Variants in PTPRD observed in about 807,000 individuals in gnomAD.
The protein encoded by PTPRD is receptor-type tyrosine-protein phosphatase delta.
Under a neutral mutation model 214.5 loss-of-function variants are expected in PTPRD, and 34 were observed. That is an observed-to-expected ratio of 0.16 (90% CI 0.12 to 0.21). The LOEUF (loss-of-function observed/expected upper bound fraction) is 0.21, where lower values mean the gene tolerates loss of function less well. PTPRD is among the 10% of genes least tolerant of loss of function. The pLI is 1.00. For missense variants in PTPRD, 2,545 were observed against 2,398.7 expected, an observed-to-expected ratio of 1.06 and a Z score of -1.27; for synonymous variants, 1,128 against 845.7, an observed-to-expected ratio of 1.33 and a Z score of -5.79.
intron 8 of PTPRD, among the ~76,000 whole-genome samples, chr9:9,514,214 C>T (rs540006286): frequency 1.2e-4 from 18 of 152,112 alleles, no homozygotes; most frequent in African/African-American, 2.9e-4. Context: ...AATTTCCCTC[C>T]TGGTTAGGGC....
At chr9:9,996,896 T>C (rs1301811758) in intron 4 of PTPRD, among the ~76,000 whole-genome samples, 1 of 152,212 alleles carries the variant, frequency 6.6e-6, no homozygotes, top group Non-Finnish European at 1.5e-5. Context: ...GGCATATTTA[T>C]ATTAGATTAA....
intron 2 of PTPRD, among the ~76,000 whole-genome samples, chr9:10,450,050 C>G (rs1006757205): frequency 5.3e-5 from 8 of 151,482 alleles, no homozygotes; most frequent in African/African-American, 2.0e-4. Context: ...CAGCATGCTC[C>G]TTAAGAGTCA....
chr9:10,477,607 T>G (rs1368562578), intron 2 of PTPRD, among the ~76,000 whole-genome samples: 2 of 152,116 alleles, frequency 1.3e-5, no homozygotes, highest in African/African-American at 4.8e-5. Flanking sequence ...GAAATACCAT[T>G]TGACCCAGCA....
intron 11 of PTPRD, among the ~76,000 whole-genome samples, chr9:8,960,736 A>G (rs867140532): frequency 6.6e-6 from 1 of 152,124 alleles, no homozygotes; most frequent in African/African-American, 2.4e-5. Context: ...CCTGACATTC[A>G]TAAACTATTG....
intron 9 of PTPRD, among the ~76,000 whole-genome samples, chr9:9,240,882 T>G (rs1247092266): frequency 1.3e-5 from 2 of 152,120 alleles, no homozygotes; most frequent in Admixed American, 1.3e-4. Flanking sequence ...ATCCAAATAG[T>G]TATTGTTTTA....
intron 4 of PTPRD, among the ~76,000 whole-genome samples, chr9:10,031,511 G>A (rs982956171): frequency 4.6e-5 from 7 of 150,878 alleles, no homozygotes; most frequent in Non-Finnish European, 7.4e-5. Flanking sequence ...CTGGAACATC[G>A]GATGCCAGGT....
intron 3 of PTPRD, among the ~76,000 whole-genome samples, chr9:10,182,259 CAAAAAAAAAA>C (rs3075574): frequency 5.5e-5 from 3 of 54,442 alleles, no homozygotes; most frequent in Admixed American, 4.4e-4. Context: ...GACTCTGCCT[CAAAAAAAAAA>C]AAAAAAAAAA....
At chr9:8,545,075 G>A (rs192671814) in intron 14 of PTPRD, among the ~76,000 whole-genome samples, 143 of 151,930 alleles carry the variant, frequency 9.4e-4, no homozygotes, top group Admixed American at 2.6e-3. Flanking sequence ...ACACACAATC[G>A]TAGTTTTTAA....
At chr9:10,169,514 T>C (rs1393163970) in intron 3 of PTPRD, among the ~76,000 whole-genome samples, 8 of 149,812 alleles carry the variant, frequency 5.3e-5, no homozygotes, top group Non-Finnish European at 1.0e-4. Context: ...GGACCACATT[T>C]CTTGTAATGA....
chr9:9,263,824 G>A (rs560967054), intron 9 of PTPRD, among the ~76,000 whole-genome samples: 5 of 151,694 alleles, frequency 3.3e-5, no homozygotes, highest in East Asian at 2.0e-4. Context: ...GGAGGTGGAT[G>A]TGGGTTGAAA....
At chr9:9,236,168 G>C (rs769767215) in intron 9 of PTPRD, among the ~76,000 whole-genome samples, 1 of 152,052 alleles carries the variant, frequency 6.6e-6, no homozygotes, top group African/African-American at 2.4e-5. Context: ...CAGGAGAATT[G>C]CTTGAATCCA....
At chr9:8,644,790 C>T (rs988383616) in intron 12 of PTPRD, among the ~76,000 whole-genome samples, 2 of 152,230 alleles carry the variant, frequency 1.3e-5, no homozygotes, top group Non-Finnish European at 2.9e-5. Context: ...GACCAAACCC[C>T]ACGTTCACTC....
At position 9,943,461 on chromosome 9, in the gene PTPRD, T is replaced by A. The variant is rs565858850; in HGVS notation, c.-471-4851A>T. ...AAAATATTTGAAATACTATGTGTAG[T>A]GTTCTAAGTATTTGTCAATTATGTT... On this transcript the variant is annotated intron_variant, in intron 4 of 45. Coordinates refer to ENST00000381196, the MANE Select transcript of PTPRD (RefSeq NM_002839.4). Among the ~76,000 whole-genome samples the A allele has an allele frequency of 7.2e-5, 11 of 152,320 alleles. No homozygotes were observed. The South Asian group carries it at 2.1e-3, about 29-fold the overall frequency.
intron 7 of PTPRD, among the ~76,000 whole-genome samples, chr9:9,693,453 C>A (rs78133612): frequency 5.3e-5 from 8 of 152,016 alleles, no homozygotes; most frequent in Admixed American, 5.2e-4. Context: ...AAGTTTCCTC[C>A]CCCCGCCATG....
chr9:10,567,754 T>C (rs953555261), intron 2 of PTPRD, among the ~76,000 whole-genome samples: 3 of 151,828 alleles, frequency 2.0e-5, no homozygotes, highest in African/African-American at 4.8e-5. Flanking sequence ...TGTCTATATA[T>C]ATACATATAT....
chr9:9,964,262 G>T (rs924063191), intron 4 of PTPRD, among the ~76,000 whole-genome samples: 1 of 152,104 alleles, frequency 6.6e-6, no homozygotes, highest in South Asian at 2.1e-4. Flanking sequence ...ATATTTAACC[G>T]CTACTAGGAC....
chr9:9,618,265 C>A (rs918966590), intron 7 of PTPRD, among the ~76,000 whole-genome samples: 6 of 151,748 alleles, frequency 4.0e-5, no homozygotes, highest in Non-Finnish European at 7.4e-5. Context: ...ATTATACTAA[C>A]CCTTCCGGGA....
rs66547770 is a variant in PTPRD, at chr9:8,741,566, C to CTTTTTTTTTT, written c.-103-7630_-103-7621dup. ...TCTATTATTTTAATCTCAGGCATTT[C>CTTTTTTTTTT]TTTTTTTTTTTTTTTTTTTTTTTTT... On this transcript the variant is annotated intron_variant, in intron 11 of 45. Transcript: ENST00000381196. Among the ~76,000 whole-genome samples, 42 of 70,638 alleles carry CTTTTTTTTTT rather than the reference C, an allele frequency of 5.9e-4. 2 individuals are homozygous for CTTTTTTTTTT. Among genetic ancestry groups the CTTTTTTTTTT allele is most frequent in the Admixed American group, 1.0e-3 (5 of 4,928 alleles). 46.3% of individuals were successfully genotyped at this position (70,638 alleles called of 152,430 possible).
chr9:8,467,744 GTAT>G (rs1390320652), intron 31 of PTPRD, among the ~76,000 whole-genome samples: 1 of 151,660 alleles, frequency 6.6e-6, no homozygotes, highest in Non-Finnish European at 1.5e-5. Flanking sequence ...GCAGATGAAT[GTAT>G]TATTTCTTTT....
Sources: gnomAD v4.1 joint callset for allele counts (sites outside exome capture counted in the v4.1 genomes callset) on GRCh38, gnomAD v4.1.1 for gene constraint, MANE v1.5 for transcripts, NCBI Gene and HGNC (gene_info 2026-07-23, HGNC 2026-07-21) for gene names.